The following RPP14 variants were observed in gnomAD, a reference collection of about 807,000 sequenced individuals.
The protein encoded by RPP14 is ribonuclease P protein subunit p14.
RPP14 carries 19 observed loss-of-function variants against 17.8 expected under a neutral mutation model. The ratio of observed to expected loss-of-function variants is 1.07; its 90% CI spans 0.74 to 1.57. The LOEUF is 1.57. Among genes scored for constraint, RPP14 ranks in the 40% most tolerant of loss-of-function variants. The pLI, the probability that RPP14 is intolerant of heterozygous loss-of-function variation, is 0.00. For synonymous variants in RPP14, 60 were observed against 56.4 expected (o/e 1.06, Z -0.29); for missense variants, 125 against 140.8 (o/e 0.89, Z 0.57).
intron 4 of RPP14, 121 bp from the exon 5 acceptor site, chr3:58,316,794 G>A (rs990695181): frequency 6.3e-6 from 6 of 944,966 alleles, no homozygotes; most frequent in Non-Finnish European, 9.8e-6. Context: ...GGTTACAGCT[G>A]TAGTTTTCCC....
At chr3:58,310,677 A>G in intron 3 of RPP14, 86 bp downstream of exon 3, 2 of 1,161,524 alleles carry the variant, frequency 1.7e-6, no homozygotes, top group African/African-American at 1.5e-5. Context: ...TCACGCCTGT[A>G]ATCCCAGCAC....
Position 58,319,286 on chromosome 3 carries a change from G to T in RPP14, c.*1790G>T, listed in dbSNP as rs1176491068. On this transcript the variant is annotated 3_prime_UTR_variant, in exon 6 of 6. Transcript: ENST00000295959. ...GAGACTTGCGTTTCAGGGGAGGGGCGTATGTGCATCCTCGGTCTCAGTTAT... is the reference window on the plus strand; with the variant it reads ...GAGACTTGCGTTTCAGGGGAGGGGCTTATGTGCATCCTCGGTCTCAGTTAT... 6.6e-6 allele frequency: 1 copy of T among 152,220 alleles called. No individual in the cohort carries two copies. The highest frequency in any genetic ancestry group is 1.5e-5 in the Non-Finnish European group (1 of 68,052). The allele number at this position is 152,220 out of a possible 1,614,324, so 9.4% of individuals were successfully genotyped here.
rs1249785388 is a variant in RPP14 at position 58,316,961 on chromosome 3, A to C, written c.286A>C (p.Lys96Gln). The C allele has an allele frequency of 6.2e-7, 1 of 1,613,890 alleles. No individual in the cohort carries two copies. Among genetic ancestry groups the C allele is most frequent in the Non-Finnish European group, 8.5e-7 (1 of 1,179,918 alleles). Residue 96 changes from lysine to glutamine, a missense_variant, in exon 5 of 6, where the codon AAA becomes CAA. Coordinates refer to ENST00000295959, the MANE Select transcript of RPP14 (RefSeq NM_007042.6). ...CTCTTTGACCCTGTTAGGATCCTAT[A>C]AAGGCAAAAAATGTGCTTTCCGGGT... ...WSSLTLLGSY[K>Q]GKKCAFRVIQ...
At chr3:58,308,887 G>A (rs1559792281) in intron 1 of RPP14, among the ~76,000 whole-genome samples, 1 of 152,232 alleles carries the variant, frequency 6.6e-6, no homozygotes, top group South Asian at 2.1e-4. Flanking sequence ...AAAGTTGAAG[G>A]ATGAATAGGA....
Position 58,308,758 on chromosome 3 carries a change from T to C in RPP14, c.-21-1551T>C, listed in dbSNP as rs190245398. On this transcript the variant is annotated intron_variant, in intron 1 of 5. Coordinates refer to ENST00000295959, the MANE Select transcript of RPP14 (RefSeq NM_007042.6). ...GATTGGGCCTCAGTTTCCTGTTCCC[T>C]GTAGTGGGGGATCCATATATTAAAC... Among the ~76,000 whole-genome samples, 956 of 151,970 alleles carry C rather than the reference T, an allele frequency of 6.3e-3. 8 individuals carry two copies. The highest frequency in any genetic ancestry group is 7.9e-3 in the Non-Finnish European group (534 of 67,898).
Position 58,317,825 on chromosome 3 carries a change from A to T in RPP14, c.*329A>T. The T allele has an allele frequency of 1.4e-6, 1 of 703,056 alleles. No individual in the cohort carries two copies. The highest frequency in any genetic ancestry group is 2.6e-6 in the Non-Finnish European group (1 of 385,008). 43.6% of individuals were successfully genotyped at this position (703,056 alleles called of 1,614,324 possible). A position where few individuals can be genotyped will look rare whatever the true frequency, so the allele number is the denominator to read the frequency against. ...GTCAATCCTTTGCATTTGAATGAAG[A>T]CTTTGCAAAACACACCAAGTTTGGA... is the stretch of plus-strand genomic sequence containing the variant. On this transcript the variant is annotated 3_prime_UTR_variant, in exon 6 of 6. Coordinates refer to ENST00000295959, the MANE Select transcript of RPP14 (RefSeq NM_007042.6).
intron 1 of RPP14, chr3:58,308,000 C>CATCT (rs2097477519): frequency 6.6e-6 from 1 of 151,990 alleles, no homozygotes; most frequent in African/African-American, 2.4e-5. Flanking sequence ...GTTTTACTGG[C>CATCT]ATCTAAGCCC....
At chr3:58,314,918 C>T (rs934164998) in intron 3 of RPP14, among the ~76,000 whole-genome samples, 2 of 152,044 alleles carry the variant, frequency 1.3e-5, no homozygotes, top group Admixed American at 6.6e-5. Flanking sequence ...ATCTCTTGAC[C>T]TTGTGATCCG....
intron 1 of RPP14, 55 bp from the exon 2 acceptor site, chr3:58,310,254 A>G (rs1362949657): frequency 7.1e-7 from 1 of 1,402,550 alleles, no homozygotes; most frequent in African/African-American, 1.4e-5. Flanking sequence ...TCTCATCAAA[A>G]CTCTGAAAAA....
chr3:58,315,269 G>GA (rs1559795258), intron 3 of RPP14, among the ~76,000 whole-genome samples: 2 of 151,404 alleles, frequency 1.3e-5, no homozygotes, highest in Non-Finnish European at 1.5e-5. Flanking sequence ...TATGCTGAGC[G>GA]AAAAAAAGCC....
chr3:58,312,062 A>T (rs2097482828), intron 3 of RPP14, among the ~76,000 whole-genome samples: 1 of 151,762 alleles, frequency 6.6e-6, no homozygotes, highest in Non-Finnish European at 1.5e-5. Flanking sequence ...GCAAGGTCTC[A>T]CTATGTTGCC....
chr3:58,311,155 TTG>T (rs2097481824), intron 3 of RPP14, among the ~76,000 whole-genome samples: 1 of 151,958 alleles, frequency 6.6e-6, no homozygotes, highest in Non-Finnish European at 1.5e-5. Context: ...GTTGTTGTTG[TTG>T]TTGTTGTTTT....
chr3:58,314,528 A>G (rs1401820062), intron 3 of RPP14, among the ~76,000 whole-genome samples: 2 of 152,148 alleles, frequency 1.3e-5, no homozygotes, highest in South Asian at 4.1e-4. Context: ...TAATGACACA[A>G]TGAGATACCA....
At chr3:58,315,556 C>T (rs1228925395) in intron 3 of RPP14, 4 of 152,182 alleles carry the variant, frequency 2.6e-5, no homozygotes, top group Admixed American at 1.3e-4. Flanking sequence ...ATCTGAATAA[C>T]CTCTGGTTTG....
At chr3:58,311,708 CTTTT>C (rs756755418) in intron 3 of RPP14, among the ~76,000 whole-genome samples, 2 of 139,210 alleles carry the variant, frequency 1.4e-5, no homozygotes, top group Non-Finnish European at 3.1e-5. Flanking sequence ...TGCATATGTC[CTTTT>C]TTTTTTTTTT....
At position 58,319,946 on chromosome 3, in the gene RPP14, A is replaced by G. The variant is rs949577195; in HGVS notation, c.*2450A>G. On this transcript the variant is annotated 3_prime_UTR_variant, in exon 6 of 6. Coordinates refer to ENST00000295959, the MANE Select transcript of RPP14 (RefSeq NM_007042.6). Reference sequence around the variant, plus strand: ...TCAATTTTTTATAGCATTTTTCATCACCCCCAAAAGAACCTCCCATTAGCA... The same window carrying G: ...TCAATTTTTTATAGCATTTTTCATCGCCCCCAAAAGAACCTCCCATTAGCA... 3 of 151,920 alleles carry G rather than the reference A, an allele frequency of 2.0e-5. No homozygotes were observed. The highest frequency in any genetic ancestry group is 4.4e-5 in the Non-Finnish European group (3 of 67,982). The allele number at this position is 151,920 out of a possible 1,614,324, so 9.4% of individuals were successfully genotyped here. A position where few individuals can be genotyped will look rare whatever the true frequency, so the allele number is the denominator to read the frequency against.
intron 3 of RPP14, among the ~76,000 whole-genome samples, chr3:58,312,334 AC>A (rs76719108): frequency 4.6e-4 from 32 of 69,680 alleles, no homozygotes; most frequent in East Asian, 1.4e-3. Flanking sequence ...CAACCTCCGC[AC>A]CCCCCCCCGC....
In RPP14 at chr3:58,310,500, T is replaced by A. The variant is rs778241591; in HGVS notation, c.78-7T>A. ...AATATGACTTTTTTTTTTTTCACTT[T>A]TTTTAGAGAATTTCAAGATTGTGGA... On this transcript the variant is annotated splice_polypyrimidine_tract_variant and splice_region_variant and intron_variant, in intron 2 of 5. Coordinates refer to ENST00000295959, the MANE Select transcript of RPP14 (RefSeq NM_007042.6). The A allele has an allele frequency of 4.4e-6, 7 of 1,607,658 alleles. No individual in the cohort carries two copies. Among genetic ancestry groups the A allele is most frequent in the Non-Finnish European group, 1.7e-6 (2 of 1,178,106 alleles).
rs951785000 is a variant in RPP14, at chr3:58,319,130, A to G, written c.*1634A>G. 8 of 152,334 alleles carry G rather than the reference A, an allele frequency of 5.3e-5. No individual in the cohort carries two copies. Among genetic ancestry groups the G allele is most frequent in the Middle Eastern group, 3.4e-3 (1 of 294 alleles). 9.4% of individuals were successfully genotyped at this position (152,334 alleles called of 1,614,324 possible). A position where few individuals can be genotyped will look rare whatever the true frequency, so the allele number is the denominator to read the frequency against. Reference sequence around the variant, plus strand: ...TGTGTAACAATTATTGAAGGCGAAAATAGAAGTTGGGTCATCTTTGAACAC... The same window carrying G: ...TGTGTAACAATTATTGAAGGCGAAAGTAGAAGTTGGGTCATCTTTGAACAC... On this transcript the variant is annotated 3_prime_UTR_variant, in exon 6 of 6. Coordinates refer to ENST00000295959, the MANE Select transcript of RPP14 (RefSeq NM_007042.6).
Sources: gnomAD v4.1 joint callset for allele counts (sites outside exome capture counted in the v4.1 genomes callset) on GRCh38, gnomAD v4.1.1 for gene constraint, MANE v1.5 for transcripts, NCBI Gene and HGNC (gene_info 2026-07-23, HGNC 2026-07-21) for gene names.